The following NRXN1 variants were observed in gnomAD, a reference collection of about 807,000 sequenced individuals.
The protein encoded by NRXN1 is neurexin 1, also known as neurexin-1.
NRXN1 carries 39 observed loss-of-function variants against 150.9 expected under a neutral mutation model. The observed-to-expected ratio is 0.26, with a 90% CI of 0.20 to 0.34. The LOEUF (loss-of-function observed/expected upper bound fraction) is 0.34. Ranked by LOEUF, NRXN1 falls within the 10% of genes least tolerant of loss-of-function variation. The pLI is 1.00. For missense variants in NRXN1, 1,815 were observed against 1,949.9 expected (o/e 0.93, Z 1.30); for synonymous variants, 924 against 757.0 (o/e 1.22, Z -3.62).
chr2:49,973,815 G>A, intron 21 of NRXN1: 1 of 583,344 alleles, frequency 1.7e-6, no homozygotes, highest in Non-Finnish European at 3.0e-6. Context: ...CAATCTTCAA[G>A]AAGAAATATT....
At chr2:50,216,496 C>T (rs1396186561) in intron 18 of NRXN1, among the ~76,000 whole-genome samples, 2 of 151,940 alleles carry the variant, frequency 1.3e-5, no homozygotes, top group Admixed American at 6.6e-5. Flanking sequence ...TTATTACTTC[C>T]TTTGAACCAC....
At chr2:50,801,664 T>C in intron 5 of NRXN1, among the ~76,000 whole-genome samples, 2 of 152,192 alleles carry the variant, frequency 1.3e-5, no homozygotes, top group East Asian at 3.8e-4. Flanking sequence ...TCAGTTTATA[T>C]AATAGGTTTC....
chr2:50,038,946 G>A (rs1454050102), intron 21 of NRXN1, among the ~76,000 whole-genome samples: 1 of 152,148 alleles, frequency 6.6e-6, no homozygotes, highest in Non-Finnish European at 1.5e-5. Flanking sequence ...TTTGGAGGCA[G>A]AGGTGGGTGA....
intron 19 of NRXN1, among the ~76,000 whole-genome samples, chr2:50,068,536 A>G (rs1038192355): frequency 2.0e-5 from 3 of 152,200 alleles, no homozygotes; most frequent in Admixed American, 1.3e-4. Flanking sequence ...CTTGGCTTCA[A>G]TATTGACTAG....
At chr2:50,924,771 A>G (rs2104318322) in intron 3 of NRXN1, among the ~76,000 whole-genome samples, 1 of 151,892 alleles carries the variant, frequency 6.6e-6, no homozygotes, top group African/African-American at 2.4e-5. Flanking sequence ...AGAAATGTTC[A>G]GCAGCTAAGC....
At chr2:50,455,070 A>G (rs1238223023) in intron 17 of NRXN1, among the ~76,000 whole-genome samples, 1 of 152,182 alleles carries the variant, frequency 6.6e-6, no homozygotes, top group African/African-American at 2.4e-5. Flanking sequence ...GTGTCTCTAT[A>G]CTTCTCTGAA....
intron 17 of NRXN1, among the ~76,000 whole-genome samples, chr2:50,266,883 A>G (rs934621994): frequency 3.0e-4 from 46 of 152,324 alleles, no homozygotes; most frequent in African/African-American, 1.0e-3. Flanking sequence ...ACTTGGATAA[A>G]CAAGTATAGA....
chr2:50,493,467 C>A (rs377008474), intron 15 of NRXN1, among the ~76,000 whole-genome samples: 1 of 152,170 alleles, frequency 6.6e-6, no homozygotes, highest in Non-Finnish European at 1.5e-5. Flanking sequence ...GCTCCCTCAA[C>A]GCCAGTGTTC....
intron 21 of NRXN1, among the ~76,000 whole-genome samples, chr2:49,993,641 G>T (rs1223761718): frequency 5.9e-5 from 9 of 152,088 alleles, no homozygotes; most frequent in Non-Finnish European, 1.2e-4. Context: ...ATCCATGTAT[G>T]GGGGCAGGGA....
At chr2:49,964,712 G>A (rs1274069247) in intron 21 of NRXN1, among the ~76,000 whole-genome samples, 1 of 150,260 alleles carries the variant, frequency 6.7e-6, no homozygotes, top group East Asian at 2.0e-4. Flanking sequence ...ATGGTGGCGG[G>A]CACCTGTAAT....
intron 5 of NRXN1, among the ~76,000 whole-genome samples, chr2:50,693,588 A>T (rs1458764248): frequency 2.6e-5 from 4 of 152,186 alleles, no homozygotes. Context: ...AAATACGTTG[A>T]ATCAATGAAC....
intron 2 of NRXN1, among the ~76,000 whole-genome samples, chr2:50,965,837 T>C (rs566439484): frequency 3.3e-5 from 5 of 151,646 alleles, no homozygotes; most frequent in Admixed American, 6.6e-5. Context: ...CTAGTTAAAA[T>C]TGACCCTAGT....
chr2:50,695,452 G>C (rs1010019293), intron 5 of NRXN1, among the ~76,000 whole-genome samples: 1 of 152,126 alleles, frequency 6.6e-6, no homozygotes, highest in Non-Finnish European at 1.5e-5. Flanking sequence ...ATAGATCCTG[G>C]GTTCTATTAA....
intron 21 of NRXN1, among the ~76,000 whole-genome samples, chr2:50,011,151 A>C (rs1441347168): frequency 6.6e-6 from 1 of 152,286 alleles, no homozygotes; most frequent in East Asian, 1.9e-4. Context: ...ATGAGACCTG[A>C]TATAGTTCTT....
intron 5 of NRXN1, among the ~76,000 whole-genome samples, chr2:50,891,307 C>T (rs538430471): frequency 6.6e-6 from 1 of 152,004 alleles, no homozygotes; most frequent in African/African-American, 2.4e-5. Flanking sequence ...GAAATCAATA[C>T]TCATTTTAGA....
intron 18 of NRXN1, among the ~76,000 whole-genome samples, chr2:50,173,460 G>A (rs1170064714): frequency 6.6e-6 from 1 of 152,124 alleles, no homozygotes; most frequent in Non-Finnish European, 1.5e-5. Flanking sequence ...GGATTTTGAA[G>A]ATTGAGTACA....
At chr2:50,219,540 G>A (rs1374825382) in intron 18 of NRXN1, among the ~76,000 whole-genome samples, 1 of 151,656 alleles carries the variant, frequency 6.6e-6, no homozygotes, top group Non-Finnish European at 1.5e-5. Flanking sequence ...AGTATAAACT[G>A]GAATAACAAA....
intron 21 of NRXN1, among the ~76,000 whole-genome samples, chr2:50,020,159 A>C (rs1417653567): frequency 2.6e-5 from 4 of 152,062 alleles, no homozygotes. Context: ...GTAGGACTAA[A>C]TTACTTATGA....
At chr2:50,670,841 C>T (rs576014042) in intron 5 of NRXN1, among the ~76,000 whole-genome samples, 2 of 151,868 alleles carry the variant, frequency 1.3e-5, no homozygotes, top group Non-Finnish European at 2.9e-5. Context: ...ATTCCAGAAG[C>T]AGTAAGTCCT....
Sources: allele counts gnomAD v4.1 joint callset (sites outside exome capture counted in the v4.1 genomes callset), GRCh38; gene constraint gnomAD v4.1.1; transcripts MANE v1.5; gene names NCBI Gene and HGNC (gene_info 2026-07-23, HGNC 2026-07-21).